The following RGS6 variants were observed in gnomAD, a reference collection of about 807,000 sequenced individuals.
RGS6 encodes regulator of G-protein signaling 6.
In RGS6, 30 loss-of-function variants were observed where a neutral mutation model predicts 78.5. The ratio of observed to expected loss-of-function variants is 0.38; its 90% CI spans 0.29 to 0.52. RGS6 has a LOEUF of 0.52. RGS6 is among the 20% of genes least tolerant of loss of function. RGS6 has a pLI of 0.85. For synonymous variants in RGS6, 206 were observed against 206.0 expected (o/e 1.00, Z 0.00); for missense variants, 495 against 609.7 (o/e 0.81, Z 1.98).
At chr14:72,450,593 T>C (rs751760403) in intron 3 of RGS6, among the ~76,000 whole-genome samples, 3 of 152,228 alleles carry the variant, frequency 2.0e-5, no homozygotes, top group Non-Finnish European at 4.4e-5. Flanking sequence ...GCATTTGTTA[T>C]GTTGTTTCAA....
intron 17 of RGS6, among the ~76,000 whole-genome samples, chr14:72,555,751 A>C (rs1212280138): frequency 2.0e-5 from 3 of 152,276 alleles, no homozygotes; most frequent in Non-Finnish European, 4.4e-5. Flanking sequence ...TGGAGTTTAT[A>C]GAAATGCCTA....
intron 12 of RGS6, among the ~76,000 whole-genome samples, chr14:72,485,992 C>T (rs575655360): frequency 3.7e-4 from 56 of 152,288 alleles, no homozygotes; most frequent in African/African-American, 1.3e-3. Flanking sequence ...AATCCCCACA[C>T]GTGATGGGAG....
Position 72,541,878 on chromosome 14 carries a change from G to T in RGS6, c.1422+1784G>T, listed in dbSNP as rs115572023. ...TCAAGAAAGGCAAGAATGGTCTCGC[G>T]AAGCTCTGTGAGGAGCATTTATTGA... On this transcript the variant is annotated intron_variant, in intron 17 of 17. Transcript: ENST00000553525. Among the ~76,000 whole-genome samples the T allele has an allele frequency of 9.9e-3, 1,513 of 152,270 alleles. 24 individuals carry two copies. Among genetic ancestry groups the T allele is most frequent in the African/African-American group, 0.034 (1,423 of 41,550 alleles).
chr14:72,254,586 A>C (rs1213842996), intron 2 of RGS6, among the ~76,000 whole-genome samples: 5 of 152,146 alleles, frequency 3.3e-5, no homozygotes, highest in Non-Finnish European at 7.4e-5. Flanking sequence ...GTCCAATTTT[A>C]GCCTACTGGG....
chr14:72,468,248 A>G (rs2095975973), intron 7 of RGS6, among the ~76,000 whole-genome samples: 2 of 152,150 alleles, frequency 1.3e-5, no homozygotes, highest in African/African-American at 4.8e-5. Flanking sequence ...GCCTAGTGGC[A>G]CACGCCTGTA....
chr14:71,927,592 A>G (rs1175520293), upstream of RGS6, among the ~76,000 whole-genome samples: 1 of 152,186 alleles, frequency 6.6e-6, no homozygotes, highest in East Asian at 1.9e-4. Flanking sequence ...TCAAAAGTAG[A>G]TGCCCTGGTT....
intron 2 of RGS6, among the ~76,000 whole-genome samples, chr14:72,339,014 C>T (rs958935372): frequency 2.0e-5 from 3 of 152,110 alleles, no homozygotes; most frequent in Admixed American, 1.3e-4. Flanking sequence ...AAACTATTAT[C>T]CTTTAGAATT....
intron 3 of RGS6, among the ~76,000 whole-genome samples, chr14:72,431,544 ATTTTATT>A (rs1264537457): frequency 6.6e-6 from 1 of 150,778 alleles, no homozygotes. Flanking sequence ...ATTTTATTTT[ATTTTATT>A]TTATTTTATT....
chr14:72,479,107 G>C (rs2096309236), intron 12 of RGS6, among the ~76,000 whole-genome samples: 1 of 152,212 alleles, frequency 6.6e-6, no homozygotes, highest in Non-Finnish European at 1.5e-5. Context: ...TTGGATGTCA[G>C]ATAAACTGAG....
intron 2 of RGS6, among the ~76,000 whole-genome samples, chr14:72,216,207 T>A (rs1263352707): frequency 6.6e-6 from 1 of 152,240 alleles, no homozygotes; most frequent in Non-Finnish European, 1.5e-5. Context: ...CTAGTTTGTT[T>A]CATTGACATG....
chr14:71,980,375 G>T (rs1415844147), intron 2 of RGS6, among the ~76,000 whole-genome samples: 1 of 150,874 alleles, frequency 6.6e-6, no homozygotes. Flanking sequence ...TTTACATTTT[G>T]GTATGATTTT....
At chr14:72,368,522 G>A (rs974056338) in intron 3 of RGS6, among the ~76,000 whole-genome samples, 4 of 152,020 alleles carry the variant, frequency 2.6e-5, no homozygotes, top group African/African-American at 7.2e-5. Flanking sequence ...TTTTAATAAC[G>A]TGCGATGATG....
intron 2 of RGS6, among the ~76,000 whole-genome samples, chr14:72,141,669 C>T (rs367877826): frequency 6.6e-6 from 1 of 152,134 alleles, no homozygotes; most frequent in African/African-American, 2.4e-5. Context: ...TTGTCCTCCC[C>T]AAAGATGCCT....
intron 2 of RGS6, among the ~76,000 whole-genome samples, chr14:72,145,033 T>G (rs910877754): frequency 2.6e-5 from 4 of 152,096 alleles, no homozygotes; most frequent in Non-Finnish European, 5.9e-5. Flanking sequence ...TGAGTTTTTC[T>G]TGCTGTCTAT....
rs547704314 is a variant in RGS6, at chr14:72,267,235, G to A, written c.85-84860G>A. 9.3e-4 allele frequency among the ~76,000 whole-genome samples: 142 copies of A among 152,308 alleles called. 2 individuals are homozygous for A. Among genetic ancestry groups the A allele is most frequent in the Middle Eastern group, 6.8e-3 (2 of 294 alleles). ...CAAAGTGCTATGATTATAGGCATGA[G>A]CCACTGCACCCAGCCAATTTTTATA... On this transcript the variant is annotated intron_variant, in intron 2 of 17. Transcript: ENST00000553525.
the RGS6 span, among the ~76,000 whole-genome samples, chr14:72,591,599 C>T: frequency 4.6e-5 from 7 of 152,128 alleles, no homozygotes; most frequent in Non-Finnish European, 8.8e-5. Flanking sequence ...CTGGTGACTG[C>T]TTCTAATTGA....
intron 2 of RGS6, among the ~76,000 whole-genome samples, chr14:72,341,723 G>A (rs11620677): frequency 0.34 from 52,367 of 152,032 alleles, 9,548 homozygotes; most frequent in African/African-American, 0.46. Context: ...TTGTAGCTGT[G>A]GGAAGCCATA....
At chr14:72,517,386 T>C (rs933095984) in intron 14 of RGS6, among the ~76,000 whole-genome samples, 4 of 152,212 alleles carry the variant, frequency 2.6e-5, no homozygotes, top group Non-Finnish European at 5.9e-5. Flanking sequence ...TGGATCCTGC[T>C]GCAAGGCTGC....
rs2082072074 is a variant in RGS6, at chr14:72,364,334, C to T, written c.184+12140C>T. ...AGAGAAAAAACCCAGGTCACTGAGA[C>T]CCATGGGTACCAAACTTAAAGTTGA... On this transcript the variant is annotated intron_variant, in intron 3 of 17. Transcript: ENST00000553525. 2.0e-5 allele frequency among the ~76,000 whole-genome samples: 3 copies of T among 152,174 alleles called. No individual in the cohort carries two copies. In the South Asian group the frequency reaches 6.2e-4, roughly 32 times the overall value.
Sources: gnomAD v4.1 joint callset for allele counts (sites outside exome capture counted in the v4.1 genomes callset) on GRCh38, gnomAD v4.1.1 for gene constraint, MANE v1.5 for transcripts, NCBI Gene and HGNC (gene_info 2026-07-23, HGNC 2026-07-21) for gene names.